RABGAP1L: variants seen among roughly 807,000 people sequenced by gnomAD.
RABGAP1L encodes rab GTPase-activating protein 1-like.
In RABGAP1L, 63 loss-of-function variants were observed where a neutral mutation model predicts 137.7. The ratio of observed to expected loss-of-function variants is 0.46; its 90% CI spans 0.37 to 0.56. The LOEUF (loss-of-function observed/expected upper bound fraction) is 0.56, where lower values mean the gene tolerates loss of function less well. Ranked by LOEUF, RABGAP1L falls within the 20% of genes least tolerant of loss-of-function variation. The pLI is 0.00. For missense variants in RABGAP1L, 1,095 were observed against 1,244.0 expected, an observed-to-expected ratio of 0.88 and a Z score of 1.80; for synonymous variants, 431 against 433.7, an observed-to-expected ratio of 0.99 and a Z score of 0.08.
chr1:174,711,090 C>A (rs1469692034), intron 17 of RABGAP1L, among the ~76,000 whole-genome samples: 1 of 152,142 alleles, frequency 6.6e-6, no homozygotes, highest in Non-Finnish European at 1.5e-5. Flanking sequence ...AGTGCTAAGC[C>A]CCTCACTGTC....
chr1:174,907,257 T>A (rs917759555), intron 19 of RABGAP1L, among the ~76,000 whole-genome samples: 5 of 152,138 alleles, frequency 3.3e-5, no homozygotes, highest in Admixed American at 3.3e-4. Context: ...TAGAATTTTG[T>A]CATGTTTTTT....
intron 18 of RABGAP1L, among the ~76,000 whole-genome samples, chr1:174,780,198 C>G (rs1322802611): frequency 2.6e-5 from 4 of 152,196 alleles, no homozygotes; most frequent in African/African-American, 7.2e-5. Context: ...CCTGCTTTTC[C>G]CATATTTAAT....
intron 12 of RABGAP1L, among the ~76,000 whole-genome samples, chr1:174,372,134 G>T (rs912840880): frequency 2.0e-5 from 3 of 151,936 alleles, no homozygotes; most frequent in African/African-American, 7.3e-5. Context: ...ACATTTCAGA[G>T]AACTTATTTA....
At chr1:174,615,332 G>T (rs1489482509) in intron 13 of RABGAP1L, among the ~76,000 whole-genome samples, 1 of 152,192 alleles carries the variant, frequency 6.6e-6, no homozygotes, top group African/African-American at 2.4e-5. Flanking sequence ...GGGTTTGCTG[G>T]ATGTCCACTC....
intron 21 of RABGAP1L, among the ~76,000 whole-genome samples, chr1:174,973,867 TTAG>T (rs1367224023): frequency 6.6e-6 from 1 of 152,134 alleles, no homozygotes; most frequent in Admixed American, 6.5e-5. Flanking sequence ...GTCTTCTTTA[TTAG>T]CAGGGCTCAA....
chr1:174,168,024 G>A (rs1006883478), intron 1 of RABGAP1L, among the ~76,000 whole-genome samples: 2 of 152,086 alleles, frequency 1.3e-5, no homozygotes, highest in African/African-American at 4.8e-5. Context: ...CAGCACTTTA[G>A]GAGGCCAAGG....
chr1:174,295,440 G>A (rs1465330626), intron 10 of RABGAP1L, among the ~76,000 whole-genome samples: 1 of 151,886 alleles, frequency 6.6e-6, no homozygotes, highest in Admixed American at 6.6e-5. Context: ...TCAGAGTGCA[G>A]TGGCGCCATC....
rs1672238296 is a variant in RABGAP1L at position 174,994,249 on chromosome 1, T to C, written c.*4248T>C. The C allele has an allele frequency of 6.7e-6, 1 of 148,758 alleles. No homozygotes were observed. The allele number at this position is 148,758 out of a possible 1,614,324, so 9.2% of individuals were successfully genotyped here. Reference sequence around the variant, plus strand: ...ACCTTGGCTGCACCTCAATAGGAGATGCTGATCTTGAGTTGTAATGAGAAA... The same window carrying C: ...ACCTTGGCTGCACCTCAATAGGAGACGCTGATCTTGAGTTGTAATGAGAAA... On this transcript the variant is annotated 3_prime_UTR_variant, in exon 26 of 26. Transcript: ENST00000681986.
intron 1 of RABGAP1L, among the ~76,000 whole-genome samples, chr1:174,194,069 G>A (rs1410625274): frequency 6.6e-6 from 1 of 152,070 alleles, no homozygotes; most frequent in Non-Finnish European, 1.5e-5. Flanking sequence ...TCAAAACCAG[G>A]CATTCTTAGT....
chr1:174,544,615 A>G (rs1421916859), intron 13 of RABGAP1L, among the ~76,000 whole-genome samples: 1 of 152,218 alleles, frequency 6.6e-6, no homozygotes, highest in African/African-American at 2.4e-5. Flanking sequence ...TGTCAAAGTC[A>G]TTCTCTATCC....
Position 174,536,001 on chromosome 1 carries a change from T to C in RABGAP1L, c.1711-101374T>C, listed in dbSNP as rs568123643. Among the ~76,000 whole-genome samples, 6 of 152,300 alleles carry C rather than the reference T, an allele frequency of 3.9e-5. No individual in the cohort carries two copies. In the South Asian group the frequency reaches 1.2e-3, roughly 32 times the overall value. Reference sequence around the variant, plus strand: ...GTGAAGATTTGTGAAATGAATGTGATAGCATAATGTTATTGGAATTCATCA... The same window carrying C: ...GTGAAGATTTGTGAAATGAATGTGACAGCATAATGTTATTGGAATTCATCA... On this transcript the variant is annotated intron_variant, in intron 13 of 25. Coordinates refer to ENST00000681986, the MANE Select transcript of RABGAP1L (RefSeq NM_001366446.1).
chr1:174,648,434 T>C (rs1675174607), intron 14 of RABGAP1L, among the ~76,000 whole-genome samples: 1 of 152,178 alleles, frequency 6.6e-6, no homozygotes, highest in South Asian at 2.1e-4. Context: ...AAAGAACTTA[T>C]TTATTTCCAC....
chr1:174,903,055 C>T (rs1558212356), intron 19 of RABGAP1L, among the ~76,000 whole-genome samples: 1 of 152,204 alleles, frequency 6.6e-6, no homozygotes, highest in African/African-American at 2.4e-5. Context: ...ATTTCAAATT[C>T]AGCAGCTGTA....
At chr1:174,617,811 A>T (rs916800461) in intron 13 of RABGAP1L, among the ~76,000 whole-genome samples, 1 of 152,168 alleles carries the variant, frequency 6.6e-6, no homozygotes, top group Non-Finnish European at 1.5e-5. Context: ...AAGACGGGTG[A>T]TTTCGCATTT....
intron 13 of RABGAP1L, among the ~76,000 whole-genome samples, chr1:174,578,944 T>C (rs552243799): frequency 5.3e-5 from 8 of 152,290 alleles, no homozygotes; most frequent in African/African-American, 1.9e-4. Context: ...TGTATAGTTT[T>C]CATACATATG....
At chr1:174,835,958 C>T (rs1031071240) in intron 19 of RABGAP1L, among the ~76,000 whole-genome samples, 2 of 152,216 alleles carry the variant, frequency 1.3e-5, no homozygotes, top group Non-Finnish European at 2.9e-5. Flanking sequence ...GAAAGAACCA[C>T]CTTCAGTTGA....
chr1:174,254,320 T>C (rs1438748832), intron 7 of RABGAP1L, among the ~76,000 whole-genome samples: 1 of 152,208 alleles, frequency 6.6e-6, no homozygotes, highest in Non-Finnish European at 1.5e-5. Flanking sequence ...TGTCTTATAA[T>C]TGATGGCATT....
chr1:174,241,947 T>C (rs531636072), intron 5 of RABGAP1L, among the ~76,000 whole-genome samples: 2 of 152,342 alleles, frequency 1.3e-5, no homozygotes, highest in East Asian at 3.9e-4. Context: ...GGGAGACTAT[T>C]TTTGCAGCTC....
Position 174,645,863 on chromosome 1 carries a change from G to A in RABGAP1L, c.1824+8375G>A, listed in dbSNP as rs190866579. ...TTCCTGTTTCTCCACATCCTCTCCAGCATCTGTTGTTTCCTGACTTTTTAA... is the reference window on the plus strand; with the variant it reads ...TTCCTGTTTCTCCACATCCTCTCCAACATCTGTTGTTTCCTGACTTTTTAA... On this transcript the variant is annotated intron_variant, in intron 14 of 25. Coordinates refer to ENST00000681986, the MANE Select transcript of RABGAP1L (RefSeq NM_001366446.1). 3.7e-3 allele frequency among the ~76,000 whole-genome samples: 569 copies of A among 152,182 alleles called. 9 individuals are homozygous for A. Among genetic ancestry groups the A allele is most frequent in the African/African-American group, 0.012 (489 of 41,498 alleles).
Sources: allele counts gnomAD v4.1 joint callset (sites outside exome capture counted in the v4.1 genomes callset), GRCh38; gene constraint gnomAD v4.1.1; transcripts MANE v1.5; gene names NCBI Gene and HGNC (gene_info 2026-07-23, HGNC 2026-07-21).